ABCC4: variants seen among roughly 807,000 people sequenced by gnomAD.
ABCC4 encodes ATP binding cassette subfamily C member 4 (PEL blood group).
In ABCC4, 102 loss-of-function variants were observed where a neutral mutation model predicts 168.5. The observed-to-expected ratio is 0.61, with a 90% CI of 0.52 to 0.71. The LOEUF is 0.71. Among genes scored for constraint, ABCC4 ranks in the 30% least tolerant of loss-of-function variants. ABCC4 has a pLI of 0.00. For missense variants in ABCC4, 1,402 were observed against 1,605.8 expected (o/e 0.87, Z 2.17); for synonymous variants, 617 against 590.7 (o/e 1.04, Z -0.65).
intron 19 of ABCC4, among the ~76,000 whole-genome samples, chr13:95,153,329 CCT>C (rs896881681): frequency 1.3e-5 from 2 of 152,102 alleles, no homozygotes; most frequent in African/African-American, 4.8e-5. Flanking sequence ...GCTACAAAGC[CCT>C]GAGTTCCAAG....
At chr13:95,200,461 C>T (rs764854719) in intron 8 of ABCC4, among the ~76,000 whole-genome samples, 5 of 152,164 alleles carry the variant, frequency 3.3e-5, no homozygotes, top group Non-Finnish European at 5.9e-5. Context: ...CAATGGCTCA[C>T]GCTGTAATCC....
chr13:95,220,022 ATTTT>A (rs60994275), intron 4 of ABCC4, among the ~76,000 whole-genome samples: 4 of 144,864 alleles, frequency 2.8e-5, no homozygotes, highest in Non-Finnish European at 4.5e-5. Flanking sequence ...TGCCTGGCTA[ATTTT>A]TTTTTTTTTT....
intron 1 of ABCC4, among the ~76,000 whole-genome samples, chr13:95,288,642 C>T (rs2138942764): frequency 6.6e-6 from 1 of 152,110 alleles, no homozygotes; most frequent in East Asian, 1.9e-4. Context: ...CCCATCTCTA[C>T]TAAAAATACA....
intron 4 of ABCC4, among the ~76,000 whole-genome samples, chr13:95,219,588 C>A (rs1189545675): frequency 6.6e-6 from 1 of 152,144 alleles, no homozygotes; most frequent in Admixed American, 6.6e-5. Flanking sequence ...CTCACTGCAG[C>A]TTCCACCTCT....
chr13:95,219,752 C>A (rs1003947749), intron 4 of ABCC4, among the ~76,000 whole-genome samples: 2 of 152,186 alleles, frequency 1.3e-5, no homozygotes, highest in East Asian at 3.9e-4. Context: ...CTCCTAGGCT[C>A]AAGCAATGCT....
At chr13:95,138,302 C>T (rs932699172) in intron 19 of ABCC4, among the ~76,000 whole-genome samples, 5 of 152,118 alleles carry the variant, frequency 3.3e-5, no homozygotes, top group Non-Finnish European at 7.3e-5. Context: ...TGTCCTTATG[C>T]AATAATTTTC....
At position 95,071,722 on chromosome 13, in the gene ABCC4, G is replaced by A; in HGVS notation, c.3150C>T (p.Tyr1050=). Residue 1050 remains tyrosine, a synonymous_variant, in exon 25 of 31, where the codon TAC becomes TAT. Coordinates refer to ENST00000645237, the MANE Select transcript of ABCC4 (RefSeq NM_005845.5). ...TCAGTACCAGAGGCCCACCTGGACT[G>A]TACATGAAGTTCACATTGTCAAAGA... is the stretch of plus-strand genomic sequence containing the variant. The part of the protein sequence containing the change: ...VIIFDNVNFM[Y]SPGGPLVLKH... 1 of 1,599,826 alleles carries A rather than the reference G, an allele frequency of 6.3e-7. No individual in the cohort carries two copies.
intron 14 of ABCC4, among the ~76,000 whole-genome samples, chr13:95,167,671 C>A (rs958835499): frequency 6.6e-6 from 1 of 152,182 alleles, no homozygotes; most frequent in African/African-American, 2.4e-5. Context: ...CCACTTTTCA[C>A]ATAGTATCTG....
intron 19 of ABCC4, among the ~76,000 whole-genome samples, chr13:95,146,772 A>G (rs2036513815): frequency 6.6e-6 from 1 of 152,206 alleles, no homozygotes; most frequent in African/African-American, 2.4e-5. Context: ...AAGTTTTATA[A>G]GCTTAAGTTG....
chr13:95,167,937 G>A (rs963986553), intron 14 of ABCC4, among the ~76,000 whole-genome samples: 2 of 152,136 alleles, frequency 1.3e-5, no homozygotes, highest in African/African-American at 4.8e-5. Flanking sequence ...CGCGATCTCG[G>A]CTCACTGCAA....
chr13:95,166,088 A>T, intron 15 of ABCC4, 70 bp downstream of exon 15: 1 of 1,335,116 alleles, frequency 7.5e-7, no homozygotes, highest in Non-Finnish European at 1.1e-6. Context: ...TGAACAGAGT[A>T]GACCAAAGAT....
chr13:95,042,085 T>C (rs1200806521), intron 29 of ABCC4, among the ~76,000 whole-genome samples: 1 of 152,124 alleles, frequency 6.6e-6, no homozygotes, highest in African/African-American at 2.4e-5. Flanking sequence ...ATGGAGACAC[T>C]AATGGAGTTG....
At chr13:95,264,175 G>A (rs907099102) in intron 1 of ABCC4, among the ~76,000 whole-genome samples, 11 of 151,822 alleles carry the variant, frequency 7.2e-5, no homozygotes, top group Non-Finnish European at 1.5e-4. Flanking sequence ...AATAAATGGG[G>A]AAAACAGAAT....
rs1047075973 is a variant in ABCC4 at position 95,194,791 on chromosome 13, C to T, written c.1263+45G>A. 6 of 1,482,412 alleles carry T rather than the reference C, an allele frequency of 4.0e-6. No homozygotes were observed. In the African/African-American group the frequency reaches 5.5e-5, roughly 14 times the overall value. 91.8% of individuals were successfully genotyped at this position (1,482,412 alleles called of 1,614,324 possible). On this transcript the variant is annotated intron_variant, in intron 9 of 30. Transcript: ENST00000645237. ...AAAATTCTCTATTAAATCAATGTCACTCATTATCTTCAGCAGTCATGATCT... is the reference window on the plus strand; with the variant it reads ...AAAATTCTCTATTAAATCAATGTCATTCATTATCTTCAGCAGTCATGATCT...
chr13:95,151,650 G>T (rs1055536087), intron 19 of ABCC4, among the ~76,000 whole-genome samples: 1 of 151,540 alleles, frequency 6.6e-6, no homozygotes, highest in Admixed American at 6.6e-5. Context: ...GGAGAAGAAG[G>T]AGAAGAAATC....
chr13:95,156,698 C>T (rs1363504282), intron 19 of ABCC4, among the ~76,000 whole-genome samples: 2 of 152,102 alleles, frequency 1.3e-5, no homozygotes, highest in Non-Finnish European at 2.9e-5. Context: ...AAATGTAAGG[C>T]TTCTTAACAG....
At chr13:95,300,180 C>G (rs914651659) in intron 1 of ABCC4, among the ~76,000 whole-genome samples, 2 of 152,124 alleles carry the variant, frequency 1.3e-5, no homozygotes, top group African/African-American at 2.4e-5. Context: ...GAGTCTTTCT[C>G]CGTTTGTTTC....
chr13:95,209,873 A>G (rs948324332), intron 5 of ABCC4, among the ~76,000 whole-genome samples: 1 of 152,180 alleles, frequency 6.6e-6, no homozygotes, highest in Admixed American at 6.5e-5. Flanking sequence ...TGAGCTGAGC[A>G]TTTTCCAGAA....
intron 20 of ABCC4, among the ~76,000 whole-genome samples, chr13:95,100,899 A>G (rs751724095): frequency 3.9e-5 from 6 of 152,188 alleles, no homozygotes; most frequent in Non-Finnish European, 7.3e-5. Context: ...AAATCTCAAA[A>G]TGACAAAGTC....
Sources: allele counts gnomAD v4.1 joint callset (sites outside exome capture counted in the v4.1 genomes callset), GRCh38; gene constraint gnomAD v4.1.1; transcripts MANE v1.5; gene names NCBI Gene and HGNC (gene_info 2026-07-23, HGNC 2026-07-21).